Variants in UBE2H observed in about 807,000 individuals in gnomAD.
UBE2H encodes ubiquitin-conjugating enzyme E2 H.
In UBE2H, 3 loss-of-function variants were observed where a neutral mutation model predicts 29.0. That is an observed-to-expected ratio of 0.10 (90% CI 0.05 to 0.27). The LOEUF (loss-of-function observed/expected upper bound fraction) is 0.27, where lower values mean the gene tolerates loss of function less well. Among genes scored for constraint, UBE2H ranks in the 10% least tolerant of loss-of-function variants. UBE2H has a pLI of 1.00. For missense variants in UBE2H, 68 were observed against 228.2 expected, an observed-to-expected ratio of 0.30 and a Z score of 4.52; for synonymous variants, 69 against 82.9, an observed-to-expected ratio of 0.83 and a Z score of 0.91.
chr7:129,910,190 G>A (rs1806903405), intron 1 of UBE2H, among the ~76,000 whole-genome samples: 2 of 152,086 alleles, frequency 1.3e-5, no homozygotes, highest in Non-Finnish European at 2.9e-5. Context: ...TTAGCCGAGT[G>A]TGGTGGCAGG....
intron 3 of UBE2H, among the ~76,000 whole-genome samples, chr7:129,867,270 T>C (rs930147359): frequency 1.3e-5 from 2 of 151,776 alleles, no homozygotes; most frequent in Non-Finnish European, 2.9e-5. Context: ...TGCGGCACTA[T>C]TCACAATAGC....
chr7:129,912,338 C>T (rs138622994), intron 1 of UBE2H, among the ~76,000 whole-genome samples: 90 of 152,250 alleles, frequency 5.9e-4, no homozygotes, highest in Middle Eastern at 3.4e-3. Flanking sequence ...TACATAATGA[C>T]ATATCTTGGC....
chr7:129,916,257 G>A (rs963313156), intron 1 of UBE2H, among the ~76,000 whole-genome samples: 1 of 151,784 alleles, frequency 6.6e-6, no homozygotes, highest in African/African-American at 2.4e-5. Flanking sequence ...CCGATTCAAG[G>A]GGTATCTAAG....
At chr7:129,947,742 C>G (rs1204879263) in intron 1 of UBE2H, among the ~76,000 whole-genome samples, 1 of 16,980 alleles carries the variant, frequency 5.9e-5, no homozygotes, top group Non-Finnish European at 3.3e-4. Flanking sequence ...CCTGTCCTTT[C>G]CGACTAAAAA....
chr7:129,932,715 A>G (rs1807433033), intron 1 of UBE2H, among the ~76,000 whole-genome samples: 1 of 146,394 alleles, frequency 6.8e-6, no homozygotes, highest in Non-Finnish European at 1.5e-5. Context: ...CGGAGGTTGC[A>G]GTGAGCTAAG....
At chr7:129,857,457 T>C (rs1584747632) in intron 5 of UBE2H, 54 bp downstream of exon 5, 2 of 1,558,276 alleles carry the variant, frequency 1.3e-6, no homozygotes. Flanking sequence ...CCAAACAACA[T>C]TTTTTTAGGC....
intron 3 of UBE2H, among the ~76,000 whole-genome samples, chr7:129,871,198 C>T (rs1260791699): frequency 6.6e-6 from 1 of 152,156 alleles, no homozygotes; most frequent in Non-Finnish European, 1.5e-5. Flanking sequence ...GCCCAGCTCG[C>T]AGTAGGTATC....
At chr7:129,900,145 T>C (rs1223140935) in intron 1 of UBE2H, among the ~76,000 whole-genome samples, 1 of 151,636 alleles carries the variant, frequency 6.6e-6, no homozygotes, top group Non-Finnish European at 1.5e-5. Flanking sequence ...AAAAAAAAAT[T>C]AAAATAATAA....
intron 1 of UBE2H, among the ~76,000 whole-genome samples, chr7:129,936,804 GAAAAAAAA>G (rs1171897255): frequency 4.4e-4 from 34 of 78,018 alleles, no homozygotes; most frequent in Admixed American, 9.2e-4. Flanking sequence ...TCTCTACTAG[GAAAAAAAA>G]AAAAAAAAAA....
At chr7:129,843,973 C>A (rs1416634549) in intron 5 of UBE2H, among the ~76,000 whole-genome samples, 1 of 152,202 alleles carries the variant, frequency 6.6e-6, no homozygotes, top group Non-Finnish European at 1.5e-5. Context: ...AGGAGTTTAG[C>A]GTGTCCCAGA....
intron 1 of UBE2H, among the ~76,000 whole-genome samples, chr7:129,883,529 G>T (rs2631602): frequency 0.46 from 69,800 of 152,118 alleles, 18,052 homozygotes; most frequent in East Asian, 0.63. Flanking sequence ...TCACCCAAAA[G>T]AAAATTACAA....
intron 1 of UBE2H, among the ~76,000 whole-genome samples, chr7:129,946,294 C>A (rs890983181): frequency 6.6e-6 from 1 of 151,866 alleles, no homozygotes; most frequent in African/African-American, 2.4e-5. Flanking sequence ...CTCCTGACCT[C>A]ATGATTTGTC....
At chr7:129,884,144 G>A (rs1010484086) in intron 1 of UBE2H, among the ~76,000 whole-genome samples, 8 of 151,700 alleles carry the variant, frequency 5.3e-5, no homozygotes, top group African/African-American at 7.3e-5. Context: ...TTGGCCAGGC[G>A]CGGTGGCTCA....
In UBE2H at chr7:129,834,018, C is replaced by G. The variant is rs1341426741; in HGVS notation, c.*919G>C. 6.6e-6 allele frequency: 1 copy of G among 152,030 alleles called. No homozygotes were observed. Among genetic ancestry groups the G allele is most frequent in the Non-Finnish European group, 1.5e-5 (1 of 68,046 alleles). 9.4% of individuals were successfully genotyped at this position (152,030 alleles called of 1,614,324 possible). On this transcript the variant is annotated 3_prime_UTR_variant, in exon 7 of 7. Coordinates refer to ENST00000355621, the MANE Select transcript of UBE2H (RefSeq NM_003344.4). ...TAAGCACAATACACACACACACACA[C>G]CAAAAAAATAACCCCCCCAGAAACA...
intron 3 of UBE2H, among the ~76,000 whole-genome samples, chr7:129,876,532 A>C (rs749976679): frequency 7.9e-5 from 12 of 152,318 alleles, no homozygotes; most frequent in Non-Finnish European, 1.6e-4. Context: ...AAGGAGTTTT[A>C]TATCTTTTAC....
intron 1 of UBE2H, among the ~76,000 whole-genome samples, chr7:129,905,316 T>A (rs1012630522): frequency 2.6e-5 from 4 of 151,996 alleles, no homozygotes; most frequent in Non-Finnish European, 4.4e-5. Flanking sequence ...GGTGGTATCA[T>A]CAGATTGTGT....
At chr7:129,887,896 A>G (rs1806396469) in intron 1 of UBE2H, among the ~76,000 whole-genome samples, 1 of 152,160 alleles carries the variant, frequency 6.6e-6, no homozygotes, top group African/African-American at 2.4e-5. Context: ...AAAACAAAAC[A>G]AAACAAAAGC....
intron 1 of UBE2H, among the ~76,000 whole-genome samples, chr7:129,938,633 G>A (rs1169724264): frequency 1.3e-5 from 2 of 151,004 alleles, no homozygotes; most frequent in East Asian, 2.0e-4. Flanking sequence ...TTGAACCCGG[G>A]AGGCGGAGGT....
At chr7:129,881,454 G>A (rs1284642944) in intron 1 of UBE2H, among the ~76,000 whole-genome samples, 8 of 152,026 alleles carry the variant, frequency 5.3e-5, no homozygotes, top group African/African-American at 1.7e-4. Context: ...CGAGACCAGC[G>A]TGGCCTATAT....
Sources: gnomAD v4.1 joint callset for allele counts (sites outside exome capture counted in the v4.1 genomes callset) on GRCh38, gnomAD v4.1.1 for gene constraint, MANE v1.5 for transcripts, NCBI Gene and HGNC (gene_info 2026-07-23, HGNC 2026-07-21) for gene names.